The following ZNF670 variants were observed in gnomAD, a reference collection of about 807,000 sequenced individuals.
ZNF670 encodes zinc finger protein 670.
Under a neutral mutation model 10.9 loss-of-function variants are expected in ZNF670, and 7 were observed. The observed-to-expected ratio is 0.64, with a 90% CI of 0.36 to 1.20. The LOEUF (loss-of-function observed/expected upper bound fraction) is 1.20. Among genes scored for constraint, ZNF670 ranks in the 50% most tolerant of loss-of-function variants. The pLI, the probability that ZNF670 is intolerant of heterozygous loss-of-function variation, is 0.02. For missense variants in ZNF670, 446 were observed against 458.6 expected, an observed-to-expected ratio of 0.97 and a Z score of 0.25; for synonymous variants, 136 against 152.7, an observed-to-expected ratio of 0.89 and a Z score of 0.81.
At chr1:247,075,956 C>T (rs1175238581) in intron 1 of ZNF670, among the ~76,000 whole-genome samples, 1 of 152,114 alleles carries the variant, frequency 6.6e-6, no homozygotes, top group Non-Finnish European at 1.5e-5. Flanking sequence ...TAGATTTTTG[C>T]CCCCTTGAAA....
chr1:247,074,107 C>T (rs1671198162), intron 1 of ZNF670, among the ~76,000 whole-genome samples: 1 of 152,210 alleles, frequency 6.6e-6, no homozygotes, highest in South Asian at 2.1e-4. Flanking sequence ...AACACCTTCT[C>T]ATTATGACTT....
At chr1:247,064,534 T>C (rs1439453875) in intron 1 of ZNF670, among the ~76,000 whole-genome samples, 1 of 152,206 alleles carries the variant, frequency 6.6e-6, no homozygotes, top group Non-Finnish European at 1.5e-5. Flanking sequence ...TCGTACTGCC[T>C]TTAAAGAGTT....
At chr1:247,061,427 C>G (rs1364466426) in intron 1 of ZNF670, among the ~76,000 whole-genome samples, 1 of 151,340 alleles carries the variant, frequency 6.6e-6, no homozygotes, top group East Asian at 1.9e-4. Flanking sequence ...CTCGGCCTCC[C>G]AAAATGCTGG....
intron 1 of ZNF670, among the ~76,000 whole-genome samples, chr1:247,065,986 T>TAAC (rs1252928289): frequency 6.6e-6 from 1 of 152,122 alleles, no homozygotes; most frequent in African/African-American, 2.4e-5. Flanking sequence ...ACTAAACGTG[T>TAAC]AACAGCTCAA....
intron 1 of ZNF670, among the ~76,000 whole-genome samples, chr1:247,075,860 C>CA (rs1267275340): frequency 6.6e-6 from 1 of 152,032 alleles, no homozygotes; most frequent in Non-Finnish European, 1.5e-5. Context: ...AAATCTCCTT[C>CA]AAAAAAGAAC....
chr1:247,038,514 A>G, intron 3 of ZNF670, 87 bp from the exon 4 acceptor site: 1 of 1,355,620 alleles, frequency 7.4e-7, no homozygotes, highest in South Asian at 1.4e-5. Context: ...GTTTCCTGCC[A>G]TATCTAAATT....
intron 1 of ZNF670, among the ~76,000 whole-genome samples, chr1:247,050,154 A>G (rs1471963300): frequency 6.6e-6 from 1 of 152,166 alleles, no homozygotes; most frequent in African/African-American, 2.4e-5. Flanking sequence ...GTTGCCATCT[A>G]TCTCATTTTT....
At chr1:247,065,350 C>T (rs1354626308) in intron 1 of ZNF670, among the ~76,000 whole-genome samples, 1 of 152,164 alleles carries the variant, frequency 6.6e-6, no homozygotes, top group African/African-American at 2.4e-5. Context: ...TGAAATGCAG[C>T]CCCAGAAGTG....
rs1024575931 is a variant in ZNF670 at position 247,062,979 on chromosome 1, C to T, written c.3+15615G>A. Among the ~76,000 whole-genome samples, 14 of 152,318 alleles carry T rather than the reference C, an allele frequency of 9.2e-5. 1 individual carries two copies. The highest frequency in any genetic ancestry group is 9.2e-4 in the Admixed American group (14 of 15,296). On this transcript the variant is annotated intron_variant, in intron 1 of 3. Transcript: ENST00000366503. ...AAAGGCAAGAGGGTGGCTGAGGATA[C>T]ATCACTCTTTACAGTTTCCATAGAG...
At chr1:247,051,990 AT>A (rs146107156) in intron 1 of ZNF670, among the ~76,000 whole-genome samples, 42,396 of 128,064 alleles carry the variant, frequency 0.33, 6,290 homozygotes, top group African/African-American at 0.45. Context: ...CATGTCCTGT[AT>A]TTTTTTTTTT....
intron 1 of ZNF670, among the ~76,000 whole-genome samples, chr1:247,078,134 C>T (rs904765511): frequency 2.0e-5 from 3 of 152,222 alleles, no homozygotes; most frequent in African/African-American, 7.2e-5. Context: ...CCCTTTCCTT[C>T]CCCAAACCAC....
At chr1:247,051,953 T>C (rs1316927160) in intron 1 of ZNF670, among the ~76,000 whole-genome samples, 1 of 151,916 alleles carries the variant, frequency 6.6e-6, no homozygotes, top group African/African-American at 2.4e-5. Flanking sequence ...TTTTTATTGA[T>C]GATATGTGTT....
intron 1 of ZNF670, among the ~76,000 whole-genome samples, chr1:247,049,088 TGTTTC>T (rs1670528595): frequency 6.6e-6 from 1 of 151,474 alleles, no homozygotes; most frequent in Admixed American, 6.6e-5. Context: ...TAATACCTCC[TGTTTC>T]ATTTCTTTTT....
At chr1:247,070,821 C>G (rs1671096950) in intron 1 of ZNF670, among the ~76,000 whole-genome samples, 1 of 152,002 alleles carries the variant, frequency 6.6e-6, no homozygotes, top group African/African-American at 2.4e-5. Flanking sequence ...AAAAAATGGG[C>G]AAGAATATGA....
chr1:247,058,720 A>ATTATG (rs1553321831), intron 1 of ZNF670, among the ~76,000 whole-genome samples: 6 of 151,776 alleles, frequency 4.0e-5, no homozygotes, highest in Admixed American at 6.6e-5. Context: ...AAAAAAAAAA[A>ATTATG]AAAAAACCAC....
Position 247,039,444 on chromosome 1 carries a change from T to C in ZNF670, c.97A>G (p.Met33Val), listed in dbSNP as rs1402424097. ...GCCAGGTTCCTGAAGATTTCTTGCA[T>C]CACATCTCTGTAGAGATTCTTTTGA... The part of the protein sequence containing the change: ...PSQKNLYRDV[M>V]QEIFRNLASV... The change falls in exon 2 of 4, where the codon ATG becomes GTG. Residue 33 changes from methionine to valine, a missense_variant. Physicochemically the swap from Met to Val is conservative, Grantham distance 21. Coordinates refer to ENST00000366503, the MANE Select transcript of ZNF670 (RefSeq NM_033213.5). 1 of 1,606,576 alleles carries C rather than the reference T, an allele frequency of 6.2e-7. No individual in the cohort carries two copies. The highest frequency in any genetic ancestry group is 1.3e-5 in the African/African-American group (1 of 74,216).
intron 1 of ZNF670, chr1:247,043,856 C>T (rs995376789): frequency 8.9e-6 from 3 of 336,174 alleles, no homozygotes; most frequent in Non-Finnish European, 1.7e-5. Flanking sequence ...GCCATTTCCA[C>T]TAATGAAGAG....
intron 1 of ZNF670, among the ~76,000 whole-genome samples, chr1:247,072,901 T>G (rs1035536054): frequency 6.9e-6 from 1 of 145,380 alleles, no homozygotes; most frequent in Non-Finnish European, 1.5e-5. Flanking sequence ...AATGGTGTAC[T>G]AATAGTAACA....
chr1:247,039,094 CG>C (rs1257397391), intron 2 of ZNF670, among the ~76,000 whole-genome samples: 1 of 97,508 alleles, frequency 1.0e-5, no homozygotes, highest in Non-Finnish European at 2.0e-5. Context: ...ATTGTTTCTT[CG>C]TTGACCAGGC....
Sources: gnomAD v4.1 joint callset for allele counts (sites outside exome capture counted in the v4.1 genomes callset) on GRCh38, gnomAD v4.1.1 for gene constraint, MANE v1.5 for transcripts, NCBI Gene and HGNC (gene_info 2026-07-23, HGNC 2026-07-21) for gene names.